Variants in F13A1 observed in about 807,000 individuals in gnomAD.
The protein encoded by F13A1 is coagulation factor XIII A chain.
Under a neutral mutation model 80.1 loss-of-function variants are expected in F13A1, and 47 were observed. That is an observed-to-expected ratio of 0.59 (90% confidence interval 0.46 to 0.75). F13A1 has a LOEUF of 0.75. Ranked by LOEUF, F13A1 falls within the 30% of genes least tolerant of loss-of-function variation. The pLI, the probability that F13A1 is intolerant of heterozygous loss-of-function variation, is 0.00. For missense variants in F13A1, 817 were observed against 930.4 expected (o/e 0.88, Z 1.59); for synonymous variants, 349 against 344.9 (o/e 1.01, Z -0.13).
intron 8 of F13A1, among the ~76,000 whole-genome samples, chr6:6,202,077 C>G (rs1472192257): frequency 6.6e-6 from 1 of 151,234 alleles, no homozygotes; most frequent in Non-Finnish European, 1.5e-5. Flanking sequence ...TCGATTACCT[C>G]CCATATTTAT....
chr6:6,153,881 C>T (rs763461971), intron 13 of F13A1, among the ~76,000 whole-genome samples: 1 of 152,078 alleles, frequency 6.6e-6, no homozygotes, highest in Non-Finnish European at 1.5e-5. Context: ...TAGTTATTCC[C>T]TTAAGAAGAA....
At chr6:6,257,060 G>C (rs149557897) in intron 4 of F13A1, among the ~76,000 whole-genome samples, 1 of 152,172 alleles carries the variant, frequency 6.6e-6, no homozygotes. Flanking sequence ...AATTTAGAGC[G>C]AGGGGATTAG....
At chr6:6,300,397 C>G (rs1758407457) in intron 3 of F13A1, among the ~76,000 whole-genome samples, 1 of 151,354 alleles carries the variant, frequency 6.6e-6, no homozygotes, top group African/African-American at 2.5e-5. Flanking sequence ...CAGCGAGACT[C>G]CGTGGGCGTA....
intron 14 of F13A1, among the ~76,000 whole-genome samples, chr6:6,147,290 A>C (rs1452748711): frequency 6.6e-6 from 1 of 152,182 alleles, no homozygotes. Context: ...TGTTCCCCAA[A>C]AACCTATAGA....
intron 6 of F13A1, among the ~76,000 whole-genome samples, chr6:6,225,409 A>G (rs903610399): frequency 6.6e-6 from 1 of 152,202 alleles, no homozygotes; most frequent in African/African-American, 2.4e-5. Context: ...AAGTTAACAG[A>G]TGTTGTCTTG....
At chr6:6,278,778 T>C (rs1405915440) in intron 3 of F13A1, among the ~76,000 whole-genome samples, 1 of 152,178 alleles carries the variant, frequency 6.6e-6, no homozygotes, top group Non-Finnish European at 1.5e-5. Flanking sequence ...TGGAAGATGA[T>C]GTCAGAGACA....
chr6:6,191,074 T>C (rs977754873), intron 10 of F13A1, among the ~76,000 whole-genome samples: 1 of 152,270 alleles, frequency 6.6e-6, no homozygotes, highest in Non-Finnish European at 1.5e-5. Flanking sequence ...TGCCTCACCC[T>C]GCTTTGGCTC....
chr6:6,223,558 C>G (rs534916357), intron 7 of F13A1, among the ~76,000 whole-genome samples: 1 of 152,116 alleles, frequency 6.6e-6, no homozygotes, highest in Non-Finnish European at 1.5e-5. Context: ...GGGGACTATA[C>G]TTTTGATTTT....
At chr6:6,212,588 G>A (rs369127625) in intron 8 of F13A1, among the ~76,000 whole-genome samples, 14 of 152,298 alleles carry the variant, frequency 9.2e-5, no homozygotes, top group Admixed American at 4.6e-4. Flanking sequence ...AAAAAACAGA[G>A]CAGAAAAACT....
intron 7 of F13A1, 95 bp from the exon 8 acceptor site, chr6:6,222,266 C>T: frequency 6.5e-7 from 1 of 1,530,788 alleles, no homozygotes; most frequent in East Asian, 2.3e-5. Flanking sequence ...TCTTCCTGAC[C>T]CAACATGAAA....
intron 8 of F13A1, among the ~76,000 whole-genome samples, chr6:6,198,447 T>C (rs1761330826): frequency 6.6e-6 from 1 of 152,226 alleles, no homozygotes. Flanking sequence ...TCTTTGTTTA[T>C]GACACTGATG....
intron 3 of F13A1, among the ~76,000 whole-genome samples, chr6:6,291,250 C>T (rs557666488): frequency 5.3e-5 from 8 of 152,242 alleles, no homozygotes; most frequent in African/African-American, 1.4e-4. Context: ...GCCCCTCACC[C>T]GTGCCCCTGT....
At chr6:6,252,568 T>A (rs1027718169) in intron 4 of F13A1, among the ~76,000 whole-genome samples, 1 of 152,236 alleles carries the variant, frequency 6.6e-6, no homozygotes, top group South Asian at 2.1e-4. Context: ...AAAATCTTGA[T>A]AACCATTAAC....
At chr6:6,199,813 C>G (rs574143059) in intron 8 of F13A1, among the ~76,000 whole-genome samples, 2 of 152,176 alleles carry the variant, frequency 1.3e-5, no homozygotes, top group South Asian at 4.2e-4. Flanking sequence ...CTGAGTCCTC[C>G]CCGGCTGTCC....
At chr6:6,188,179 TG>T (rs1761116097) in intron 10 of F13A1, among the ~76,000 whole-genome samples, 1 of 152,248 alleles carries the variant, frequency 6.6e-6, no homozygotes, top group Non-Finnish European at 1.5e-5. Context: ...AACCAGCTCC[TG>T]GATTCACTAA....
intron 3 of F13A1, among the ~76,000 whole-genome samples, chr6:6,295,255 T>C (rs1233142426): frequency 6.7e-6 from 1 of 148,236 alleles, no homozygotes; most frequent in Non-Finnish European, 1.5e-5. Flanking sequence ...TTTGGGTATA[T>C]ACCCAGTAAT....
At chr6:6,303,674 C>T (rs912159743) in intron 3 of F13A1, among the ~76,000 whole-genome samples, 1 of 152,072 alleles carries the variant, frequency 6.6e-6, no homozygotes, top group Non-Finnish European at 1.5e-5. Context: ...ATTCTTTGAC[C>T]AACCCCTTGG....
chr6:6,160,806 T>G (rs1219793935), intron 13 of F13A1, among the ~76,000 whole-genome samples: 1 of 151,652 alleles, frequency 6.6e-6, no homozygotes, highest in Non-Finnish European at 1.5e-5. Context: ...GAGCAAACGC[T>G]TACTTTTAAA....
chr6:6,148,856 T>A (rs1760327391), intron 14 of F13A1, among the ~76,000 whole-genome samples: 1 of 152,188 alleles, frequency 6.6e-6, no homozygotes, highest in Non-Finnish European at 1.5e-5. Flanking sequence ...TTTCTGTAAC[T>A]ATTCAGCCAT....
Sources: gnomAD v4.1 joint callset for allele counts (sites outside exome capture counted in the v4.1 genomes callset) on GRCh38, gnomAD v4.1.1 for gene constraint, MANE v1.5 for transcripts, NCBI Gene and HGNC (gene_info 2026-07-23, HGNC 2026-07-21) for gene names.